MAML2: variants seen among roughly 807,000 people sequenced by gnomAD.
MAML2 encodes mastermind like transcriptional coactivator 2, also known as mastermind-like protein 2.
Under a neutral mutation model 96.1 loss-of-function variants are expected in MAML2, and 22 were observed. That is an observed-to-expected ratio of 0.23 (90% confidence interval 0.16 to 0.33). The LOEUF (loss-of-function observed/expected upper bound fraction) is 0.33. MAML2 is among the 10% of genes least tolerant of loss of function. The probability of loss-of-function intolerance (pLI) is 1.00; values close to 1 mark genes in which losing one functional copy is unlikely to be tolerated. For synonymous variants in MAML2, 561 were observed against 521.3 expected, an observed-to-expected ratio of 1.08 and a Z score of -1.04; for missense variants, 1,367 against 1,392.4, an observed-to-expected ratio of 0.98 and a Z score of 0.29.
intron 1 of MAML2, among the ~76,000 whole-genome samples, chr11:96,309,822 C>A (rs1863512943): frequency 6.6e-6 from 1 of 152,002 alleles, no homozygotes; most frequent in Non-Finnish European, 1.5e-5. Flanking sequence ...CCTCAGCCTC[C>A]CACGTAGCTG....
rs767623645 is a variant in MAML2, at chr11:96,341,848, C to G, written c.48G>C (p.Gly16=). The G allele has an allele frequency of 5.1e-6, 8 of 1,561,054 alleles. No individual in the cohort carries two copies. Among genetic ancestry groups the G allele is most frequent in the Non-Finnish European group, 6.9e-6 (8 of 1,157,200 alleles). ...CTCCAAGGAGCCCCGCCCCAGAGGCCCCCCCTAGCCCTCCTGCGGGGGCCT... is the reference window on the plus strand; with the variant it reads ...CTCCAAGGAGCCCCGCCCCAGAGGCGCCCCCTAGCCCTCCTGCGGGGGCCT... ...PPQAPAGGLG[G]ASGAGLLGGG... is the part of the protein sequence containing the mutation. Residue 16 remains glycine (G), a synonymous_variant, in exon 1 of 5, where the codon GGG becomes GGC. Coordinates refer to ENST00000524717, the MANE Select transcript of MAML2 (RefSeq NM_032427.4).
At chr11:96,339,681 C>A (rs1399681051) in intron 1 of MAML2, among the ~76,000 whole-genome samples, 1 of 152,198 alleles carries the variant, frequency 6.6e-6, no homozygotes, top group Admixed American at 6.5e-5. Context: ...GGGAGACTTG[C>A]AGACAGATTA....
chr11:96,266,040 T>G (rs1480512219), intron 1 of MAML2, among the ~76,000 whole-genome samples: 1 of 152,128 alleles, frequency 6.6e-6, no homozygotes, highest in Non-Finnish European at 1.5e-5. Context: ...GAGCACCCTG[T>G]AACACATGCC....
intron 1 of MAML2, among the ~76,000 whole-genome samples, chr11:96,193,753 A>C (rs1254949988): frequency 1.3e-5 from 2 of 152,246 alleles, no homozygotes; most frequent in Non-Finnish European, 2.9e-5. Flanking sequence ...TATGAAATGC[A>C]AGAAACACAT....
At chr11:96,003,854 G>A (rs1373963411) in intron 2 of MAML2, among the ~76,000 whole-genome samples, 2 of 152,032 alleles carry the variant, frequency 1.3e-5, no homozygotes, top group African/African-American at 4.8e-5. Flanking sequence ...TCATCAGATA[G>A]TGATGGTAGC....
intron 2 of MAML2, among the ~76,000 whole-genome samples, chr11:96,051,718 T>TA (rs771784348): frequency 1.3e-5 from 2 of 152,198 alleles, no homozygotes; most frequent in Non-Finnish European, 2.9e-5. Context: ...CAGTTAAAAT[T>TA]AATTTGCGTT....
chr11:96,309,106 A>G (rs188156425), intron 1 of MAML2, among the ~76,000 whole-genome samples: 46 of 152,348 alleles, frequency 3.0e-4, no homozygotes, highest in African/African-American at 1.1e-3. Context: ...GTTAGCTGGC[A>G]ATGTCTTTTG....
chr11:96,036,721 C>T (rs1449392675), intron 2 of MAML2, among the ~76,000 whole-genome samples: 1 of 151,942 alleles, frequency 6.6e-6, no homozygotes, highest in Admixed American at 6.6e-5. Context: ...AAAATAACTC[C>T]GGGGCTGAGA....
At chr11:96,114,212 C>T (rs1315947394) in intron 1 of MAML2, among the ~76,000 whole-genome samples, 1 of 152,182 alleles carries the variant, frequency 6.6e-6, no homozygotes, top group Non-Finnish European at 1.5e-5. Flanking sequence ...AGCCATCATG[C>T]CTGGCCCCAG....
chr11:95,991,795 C>T (rs2135709944), intron 2 of MAML2, 72 bp from the exon 3 acceptor site: 1 of 1,135,258 alleles, frequency 8.8e-7, no homozygotes, highest in Non-Finnish European at 1.3e-6. Flanking sequence ...AAAGATCATA[C>T]ACTCAGATTC....
At chr11:96,142,154 C>A (rs1251140622) in intron 1 of MAML2, among the ~76,000 whole-genome samples, 1 of 152,094 alleles carries the variant, frequency 6.6e-6, no homozygotes, top group Non-Finnish European at 1.5e-5. Context: ...AATTTGCAAG[C>A]ACATATGAGG....
At chr11:95,995,448 T>C (rs140574496) in intron 2 of MAML2, among the ~76,000 whole-genome samples, 4 of 152,326 alleles carry the variant, frequency 2.6e-5, no homozygotes, top group East Asian at 1.9e-4. Context: ...AGTGCAATCA[T>C]GTACATTTAC....
intron 1 of MAML2, among the ~76,000 whole-genome samples, chr11:96,339,663 G>C (rs993793952): frequency 1.3e-5 from 2 of 152,208 alleles, no homozygotes; most frequent in Non-Finnish European, 2.9e-5. Flanking sequence ...ACACAAAGCC[G>C]CATTATTGGG....
rs1224967174 is a variant in MAML2, at chr11:96,092,584, G to A, written c.1447C>T (p.Pro483Ser). 3 of 1,609,528 alleles carry A rather than the reference G, an allele frequency of 1.9e-6. No homozygotes were observed. The highest frequency in any genetic ancestry group is 1.7e-4 in the Middle Eastern group (1 of 6,044). Residue 483 changes from proline (P) to serine (S), a missense_variant, in exon 2 of 5, where the codon CCT becomes TCT. Pro to Ser is a moderately conservative substitution (Grantham distance 74). Transcript: ENST00000524717. The surrounding 1 kb of genome is among the most constrained non-coding windows in gnomAD (Gnocchi z 4.1). ...CTGAATGTCTGCTGACCAAAAGAAG[G>A]GCTGGGGATTTTCTCCTGCCCAAAT... ...GPFGQEKIPS[P>S]SFGQQTFSPQ... is the part of the protein sequence containing the mutation.
rs577679270 is a variant in MAML2 at position 96,026,587 on chromosome 11, A to G, written c.2140-34864T>C. Among the ~76,000 whole-genome samples, 9 of 152,260 alleles carry G rather than the reference A, an allele frequency of 5.9e-5. No homozygotes were observed. The East Asian group carries it at 1.5e-3, about 26-fold the overall frequency. On this transcript the variant is annotated intron_variant, in intron 2 of 4. Coordinates refer to ENST00000524717, the MANE Select transcript of MAML2 (RefSeq NM_032427.4). ...GGGAGAGGGCTGTAAATCTCCCCCT[A>G]TTCTTTATGTAACCCTCTCTACAGG...
intron 2 of MAML2, among the ~76,000 whole-genome samples, chr11:96,083,063 G>A (rs1327586929): frequency 1.3e-5 from 2 of 152,234 alleles, no homozygotes; most frequent in Admixed American, 6.5e-5. Context: ...GAAGTTCAAT[G>A]TTGGCCTCTG....
At chr11:96,035,296 G>C (rs1858693001) in intron 2 of MAML2, among the ~76,000 whole-genome samples, 2 of 152,308 alleles carry the variant, frequency 1.3e-5, no homozygotes, top group South Asian at 4.1e-4. Context: ...CCAACCATAA[G>C]TAATTCTGAT....
intron 1 of MAML2, among the ~76,000 whole-genome samples, chr11:96,191,648 G>A (rs1379805323): frequency 6.6e-6 from 1 of 150,678 alleles, no homozygotes; most frequent in Non-Finnish European, 1.5e-5. Context: ...GGCGGGCGCC[G>A]GTAGTCTCAG....
chr11:96,156,792 G>C (rs1861017826), intron 1 of MAML2, among the ~76,000 whole-genome samples: 1 of 152,196 alleles, frequency 6.6e-6, no homozygotes, highest in Admixed American at 6.5e-5. Flanking sequence ...GGGAGGAAAA[G>C]CAAATTACCA....
Sources: gnomAD v4.1 joint callset for allele counts (sites outside exome capture counted in the v4.1 genomes callset) on GRCh38, gnomAD v4.1.1 for gene constraint, Gnocchi (gnomAD v3.1) non-coding constraint, MANE v1.5 for transcripts, NCBI Gene and HGNC (gene_info 2026-07-23, HGNC 2026-07-21) for gene names.